DENND1B: variants seen among roughly 807,000 people sequenced by gnomAD.
DENND1B encodes DENN domain-containing protein 1B.
In DENND1B, 59 loss-of-function variants were observed where a neutral mutation model predicts 90.1. That is an observed-to-expected ratio of 0.65 (90% CI 0.53 to 0.81). The LOEUF is 0.81. DENND1B is among the 40% of genes least tolerant of loss of function. The pLI is 0.00. For missense variants in DENND1B, 862 were observed against 912.6 expected, an observed-to-expected ratio of 0.94 and a Z score of 0.71; for synonymous variants, 337 against 324.6, an observed-to-expected ratio of 1.04 and a Z score of -0.41.
chr1:197,605,962 CCTT>C (rs1380451466), intron 13 of DENND1B: 1 of 150,962 alleles, frequency 6.6e-6, no homozygotes, highest in Non-Finnish European at 1.5e-5. Flanking sequence ...TTCTCAAACT[CCTT>C]AATAATGGAT....
intron 5 of DENND1B, among the ~76,000 whole-genome samples, chr1:197,667,132 CAAA>C (rs78796571): frequency 1.1e-5 from 1 of 93,878 alleles, no homozygotes; most frequent in Admixed American, 1.2e-4. Flanking sequence ...GACTCCATCT[CAAA>C]AAAAAAAAAA....
intron 6 of DENND1B, among the ~76,000 whole-genome samples, chr1:197,655,828 G>C (rs1250942692): frequency 6.6e-6 from 1 of 152,046 alleles, no homozygotes; most frequent in East Asian, 1.9e-4. Flanking sequence ...CACCGCGCCC[G>C]GCCCATTAAC....
At chr1:197,553,140 G>A (rs1247260309) in intron 15 of DENND1B, 28 bp from the exon 16 acceptor site, 3 of 1,473,494 alleles carry the variant, frequency 2.0e-6, no homozygotes, top group Non-Finnish European at 2.7e-6. Flanking sequence ...CAAATAAAAT[G>A]TATCAAATAA....
In DENND1B at chr1:197,775,290, C is replaced by G. The variant is rs1657176576; in HGVS notation, c.-135G>C. On this transcript the variant is annotated 5_prime_UTR_variant, in exon 1 of 23. Coordinates refer to ENST00000620048, the MANE Select transcript of DENND1B (RefSeq NM_001195215.2). ...CAGGGAAAGAGGCTGCTCACAGCAGCCGTGGCGGCGGGCCCATGTCGGCTG... is the reference window on the plus strand; with the variant it reads ...CAGGGAAAGAGGCTGCTCACAGCAGGCGTGGCGGCGGGCCCATGTCGGCTG... 1.5e-6 allele frequency: 1 copy of G among 667,212 alleles called. No homozygotes were observed. The highest frequency in any genetic ancestry group is 4.7e-5 in the Admixed American group (1 of 21,254). 41.3% of individuals were successfully genotyped at this position (667,212 alleles called of 1,614,324 possible). A position where few individuals can be genotyped will look rare whatever the true frequency, so the allele number is the denominator to read the frequency against.
intron 5 of DENND1B, among the ~76,000 whole-genome samples, chr1:197,667,926 T>A (rs773745210): frequency 2.6e-5 from 4 of 152,156 alleles, no homozygotes; most frequent in Non-Finnish European, 5.9e-5. Flanking sequence ...AGGAAAAAAT[T>A]GAAATGATTT....
chr1:197,767,270 T>C (rs988721264), intron 2 of DENND1B, among the ~76,000 whole-genome samples: 12 of 152,028 alleles, frequency 7.9e-5, no homozygotes, highest in African/African-American at 2.4e-4. Context: ...ATATCTATAA[T>C]AGTACAATAA....
chr1:197,664,662 C>A (rs745826776), intron 5 of DENND1B, among the ~76,000 whole-genome samples: 1 of 152,082 alleles, frequency 6.6e-6, no homozygotes, highest in Non-Finnish European at 1.5e-5. Flanking sequence ...TCTAAGCAAT[C>A]AGCAGGAACC....
intron 3 of DENND1B, among the ~76,000 whole-genome samples, chr1:197,676,415 A>G (rs1177175747): frequency 6.6e-6 from 1 of 152,058 alleles, no homozygotes; most frequent in Non-Finnish European, 1.5e-5. Flanking sequence ...TGTTTTTAAT[A>G]TGACACATAT....
At chr1:197,549,182 A>G (rs1671036503) in intron 16 of DENND1B, among the ~76,000 whole-genome samples, 1 of 152,112 alleles carries the variant, frequency 6.6e-6, no homozygotes, top group Admixed American at 6.6e-5. Flanking sequence ...TCTCACACTT[A>G]AGGACAAAAT....
chr1:197,743,513 C>T (rs998303841), intron 2 of DENND1B, among the ~76,000 whole-genome samples: 5 of 152,186 alleles, frequency 3.3e-5, no homozygotes, highest in African/African-American at 1.2e-4. Context: ...GTGTTGATGG[C>T]TGCTAACTGA....
chr1:197,575,415 TA>T (rs1673582045), intron 15 of DENND1B, among the ~76,000 whole-genome samples: 1 of 152,042 alleles, frequency 6.6e-6, no homozygotes, highest in South Asian at 2.1e-4. Flanking sequence ...TGGTGATCAT[TA>T]AAAAGGTAAG....
At chr1:197,639,838 C>A (rs1361192781) in intron 10 of DENND1B, among the ~76,000 whole-genome samples, 1 of 151,966 alleles carries the variant, frequency 6.6e-6, no homozygotes, top group Non-Finnish European at 1.5e-5. Flanking sequence ...ATTTTATATA[C>A]TGTATATATA....
chr1:197,547,540 C>A (rs1026268577), intron 16 of DENND1B, among the ~76,000 whole-genome samples: 3 of 152,162 alleles, frequency 2.0e-5, no homozygotes, highest in Non-Finnish European at 4.4e-5. Flanking sequence ...TATCAAAAAA[C>A]AATTTTTATT....
intron 18 of DENND1B, among the ~76,000 whole-genome samples, chr1:197,542,393 A>G (rs928611376): frequency 2.6e-5 from 4 of 152,208 alleles, no homozygotes; most frequent in African/African-American, 9.6e-5. Flanking sequence ...GCTTTGACAA[A>G]CACATATTCA....
intron 15 of DENND1B, among the ~76,000 whole-genome samples, chr1:197,558,283 T>C (rs1671874106): frequency 1.3e-5 from 2 of 151,130 alleles, no homozygotes; most frequent in South Asian, 4.2e-4. Context: ...CAAAAATTCA[T>C]AGATATTATC....
At chr1:197,707,107 T>C (rs1659615975) in intron 3 of DENND1B, among the ~76,000 whole-genome samples, 1 of 152,192 alleles carries the variant, frequency 6.6e-6, no homozygotes, top group South Asian at 2.1e-4. Context: ...CTGTCATTCA[T>C]GGCAACACAG....
chr1:197,735,375 AAAT>A (rs1236759857), intron 2 of DENND1B: 2 of 1,372,134 alleles, frequency 1.5e-6, no homozygotes, highest in Non-Finnish European at 1.9e-6. Context: ...CAATTAAACT[AAAT>A]AAAATTTAAA....
chr1:197,573,252 T>A (rs940073311), intron 15 of DENND1B, among the ~76,000 whole-genome samples: 1 of 152,118 alleles, frequency 6.6e-6, no homozygotes, highest in Non-Finnish European at 1.5e-5. Context: ...TTTTGGATCT[T>A]TCCTGCTTTC....
chr1:197,592,042 G>A (rs1199221107), intron 14 of DENND1B, among the ~76,000 whole-genome samples: 1 of 146,808 alleles, frequency 6.8e-6, no homozygotes, highest in Non-Finnish European at 1.5e-5. Flanking sequence ...CCGGGAGGTG[G>A]AGCTTGCAGC....
Sources: allele counts gnomAD v4.1 joint callset (sites outside exome capture counted in the v4.1 genomes callset), GRCh38; gene constraint gnomAD v4.1.1; transcripts MANE v1.5; gene names NCBI Gene and HGNC (gene_info 2026-07-23, HGNC 2026-07-21).